FBN2: variants seen among roughly 807,000 people sequenced by gnomAD.
FBN2 encodes fibrillin 2, also known as fibrillin-2.
In FBN2, 105 loss-of-function variants were observed where a neutral mutation model predicts 355.6. The observed-to-expected ratio is 0.30, with a 90% CI of 0.25 to 0.35. The LOEUF (loss-of-function observed/expected upper bound fraction) is 0.35, where lower values mean the gene tolerates loss of function less well. FBN2 is among the 10% of genes least tolerant of loss of function. The probability of loss-of-function intolerance (pLI) is 1.00; values close to 1 mark genes in which losing one functional copy is unlikely to be tolerated. For synonymous variants in FBN2, 1,350 were observed against 1,301.2 expected, an observed-to-expected ratio of 1.04 and a Z score of -0.81; for missense variants, 3,280 against 3,758.7, an observed-to-expected ratio of 0.87 and a Z score of 3.33.
chr5:128,315,249 C>A (rs368179535), intron 36 of FBN2, among the ~76,000 whole-genome samples: 2 of 152,052 alleles, frequency 1.3e-5, no homozygotes, highest in South Asian at 2.1e-4. Flanking sequence ...ATATTAATAA[C>A]AATTTAATGA....
intron 10 of FBN2, 137 bp downstream of exon 10, chr5:128,392,998 C>T: frequency 1.3e-6 from 1 of 755,836 alleles, no homozygotes; most frequent in South Asian, 1.5e-5. Context: ...GTCTCTCTCT[C>T]TCTCGCACCC....
rs1060503509 is a variant in FBN2 at position 128,537,452 on chromosome 5, G to C, written c.152C>G (p.Thr51Arg). The part of the protein sequence containing the change: ...QPPPQQVRSA[T>R]AGSEGGFLAP... ...TAGAAACCCGCCTTCAGAGCCTGCT[G>C]TAGCGGACCGAACCTGTTGCGGCGG... is the stretch of plus-strand genomic sequence containing the variant. The change falls in exon 1 of 65, where the codon ACA becomes AGA. Residue 51 changes from threonine to arginine, a missense_variant. Physicochemically the swap from Thr to Arg is moderately conservative, Grantham distance 71. Around this residue, in one of 6 missense-constraint regions of FBN2, gnomAD observed 203 missense variants for 142.2 expected, o/e 1.43. Transcript: ENST00000262464. 11 of 1,607,280 alleles carry C rather than the reference G, an allele frequency of 6.8e-6. No homozygotes were observed. Among genetic ancestry groups the C allele is most frequent in the Non-Finnish European group, 7.6e-6 (9 of 1,178,098 alleles).
At chr5:128,408,935 T>C in intron 7 of FBN2, 136 bp from the exon 8 acceptor site, 1 of 936,124 alleles carries the variant, frequency 1.1e-6, no homozygotes, top group East Asian at 2.6e-5. Context: ...GATACTCTTG[T>C]TTCAGGCCCC....
Position 128,349,591 on chromosome 5 carries a change from G to C in FBN2, c.2864-119C>G, listed in dbSNP as rs548441167. On this transcript the variant is annotated intron_variant, in intron 22 of 64. Transcript: ENST00000262464. ...TTCAATACAATGTGGATTATTACTT[G>C]AGTTAAACAGAAATATTCCACAACC... The C allele has an allele frequency of 5.3e-5, 66 of 1,234,702 alleles. No individual in the cohort carries two copies. The East Asian group carries it at 1.6e-3, about 29-fold the overall frequency. The allele number at this position is 1,234,702 out of a possible 1,614,324, so 76.5% of individuals were successfully genotyped here.
At chr5:128,374,502 A>G in intron 15 of FBN2, 126 bp downstream of exon 15, 1 of 1,291,392 alleles carries the variant, frequency 7.7e-7, no homozygotes, top group East Asian at 2.3e-5. Context: ...AATCTTTCCA[A>G]GGTTTATCCA....
At chr5:128,378,365 G>A (rs1418591665) in intron 12 of FBN2, among the ~76,000 whole-genome samples, 2 of 152,266 alleles carry the variant, frequency 1.3e-5, no homozygotes, top group East Asian at 1.9e-4. Context: ...GAGGTAGCGC[G>A]TTTGGACCAG....
intron 5 of FBN2, among the ~76,000 whole-genome samples, chr5:128,472,980 G>A (rs1057285900): frequency 1.3e-5 from 2 of 152,050 alleles, no homozygotes; most frequent in African/African-American, 4.8e-5. Flanking sequence ...CACCATGGAG[G>A]GCATGGAAAT....
chr5:128,383,813 G>A (rs1752299135), intron 11 of FBN2, among the ~76,000 whole-genome samples: 1 of 152,062 alleles, frequency 6.6e-6, no homozygotes, highest in African/African-American at 2.4e-5. Flanking sequence ...TATACGAAGT[G>A]CTGGCTTGGT....
At chr5:128,469,530 C>CA (rs34568723) in intron 5 of FBN2, among the ~76,000 whole-genome samples, 83,882 of 125,636 alleles carry the variant, frequency 0.67, 30,066 homozygotes, top group East Asian at 0.87. Flanking sequence ...GACTCCGTCT[C>CA]AAAAAAAAAA....
chr5:128,335,853 C>G, intron 28 of FBN2, 135 bp downstream of exon 28: 1 of 946,858 alleles, frequency 1.1e-6, no homozygotes, highest in East Asian at 2.6e-5. Flanking sequence ...CACACAATAA[C>G]TGAGATCTGC....
intron 12 of FBN2, 33 bp downstream of exon 12, chr5:128,378,738 A>G (rs974387737): frequency 8.7e-6 from 14 of 1,611,644 alleles, no homozygotes; most frequent in Non-Finnish European, 1.1e-5. Context: ...TATTTCATGG[A>G]ACATTTTCAT....
At chr5:128,271,172 T>C (rs3805620) in intron 62 of FBN2, among the ~76,000 whole-genome samples, 20,483 of 152,190 alleles carry the variant, frequency 0.13, 1,720 homozygotes, top group African/African-American at 0.21. Flanking sequence ...AATAATTCAA[T>C]ATGTGAATAA....
chr5:128,326,293 A>G (rs1353977297), intron 34 of FBN2, among the ~76,000 whole-genome samples: 2 of 152,180 alleles, frequency 1.3e-5, no homozygotes, highest in Non-Finnish European at 2.9e-5. Flanking sequence ...CGTAAGGTGG[A>G]GGGAGAGAAG....
At chr5:128,480,647 T>TTGCA (rs1755158144) in intron 5 of FBN2, among the ~76,000 whole-genome samples, 1 of 151,948 alleles carries the variant, frequency 6.6e-6, no homozygotes, top group Admixed American at 6.6e-5. Flanking sequence ...GAGGCAGAGG[T>TTGCA]TGCAGTGAGC....
At chr5:128,262,404 G>A (rs894056644) in intron 63 of FBN2, among the ~76,000 whole-genome samples, 9 of 152,090 alleles carry the variant, frequency 5.9e-5, no homozygotes, top group African/African-American at 1.9e-4. Context: ...TTTTGAAACA[G>A]CAAAATTCTT....
chr5:128,303,094 A>C lies in FBN2; in HGVS notation c.5801-5T>G, dbSNP rs571282132. On this transcript the variant is annotated splice_region_variant and splice_polypyrimidine_tract_variant and intron_variant, in intron 45 of 64. Coordinates refer to ENST00000262464, the MANE Select transcript of FBN2 (RefSeq NM_001999.4). ...GCCGCTCGCACTCATCAACATCTAT[A>C]AAGAAATATAGGCTCAAAAAATTCA... 1.3e-6 allele frequency: 2 copies of C among 1,557,984 alleles called. No homozygotes were observed. Among genetic ancestry groups the C allele is most frequent in the Admixed American group, 3.3e-5 (2 of 59,932 alleles).
At chr5:128,392,231 A>G in intron 10 of FBN2, 76 bp from the exon 11 acceptor site, 3 of 1,265,574 alleles carry the variant, frequency 2.4e-6, no homozygotes, top group Non-Finnish European at 3.4e-6. Flanking sequence ...TTTAAAGGAC[A>G]TTTAATAGTA....
At position 128,338,137 on chromosome 5, in the gene FBN2, C is replaced by T. The variant is rs748787062; in HGVS notation, c.3473-15G>A. ...TTCGTCAATGTCTGAAAGGTAAAAA[C>T]GTGAGATCCATTAAAGAACTCTGAG... On this transcript the variant is annotated splice_polypyrimidine_tract_variant and intron_variant, in intron 26 of 64. Transcript: ENST00000262464. The T allele has an allele frequency of 2.4e-5, 39 of 1,613,148 alleles. No individual in the cohort carries two copies. The highest frequency in any genetic ancestry group is 5.3e-5 in the African/African-American group (4 of 74,870).
chr5:128,310,118 G>T lies in FBN2; in HGVS notation c.5075-10C>A. On this transcript the variant is annotated splice_polypyrimidine_tract_variant and intron_variant, in intron 39 of 64. Transcript: ENST00000262464. The stretch of plus-strand genomic sequence containing the variant: ...AAACACTCATCAATATCTAGAGTAG[G>T]CAAGAATATCTATTAATTAATAAAT... 1 of 1,604,732 alleles carries T rather than the reference G, an allele frequency of 6.2e-7. No homozygotes were observed. Among genetic ancestry groups the T allele is most frequent in the Non-Finnish European group, 8.5e-7 (1 of 1,172,088 alleles).
Sources: allele counts gnomAD v4.1 joint callset (sites outside exome capture counted in the v4.1 genomes callset), GRCh38; gene constraint gnomAD v4.1.1; regional missense constraint gnomAD v4.1.1; transcripts MANE v1.5; gene names NCBI Gene and HGNC (gene_info 2026-07-23, HGNC 2026-07-21).